DGKB: variants seen among roughly 807,000 people sequenced by gnomAD.
The protein encoded by DGKB is diacylglycerol kinase beta.
A neutral mutation model predicts 114.3 loss-of-function variants in DGKB; 67 were observed. That is an observed-to-expected ratio of 0.59 (90% CI 0.48 to 0.72). The LOEUF (loss-of-function observed/expected upper bound fraction) is 0.72, where lower values mean the gene tolerates loss of function less well. DGKB is among the 30% of genes least tolerant of loss of function. DGKB has a pLI of 0.00. For synonymous variants in DGKB, 398 were observed against 323.1 expected (o/e 1.23, Z -2.49); for missense variants, 907 against 975.2 (o/e 0.93, Z 0.93).
At chr7:14,216,704 T>G (rs1317308334) in intron 23 of DGKB, among the ~76,000 whole-genome samples, 1 of 119,494 alleles carries the variant, frequency 8.4e-6, no homozygotes, top group Non-Finnish European at 1.6e-5. Context: ...CCAACCTGGG[T>G]GACAGAGCAA....
At chr7:14,734,195 C>T (rs113917701) in intron 5 of DGKB, among the ~76,000 whole-genome samples, 8,407 of 92,430 alleles carry the variant, frequency 0.091, 334 homozygotes, top group Admixed American at 0.17. Flanking sequence ...CCACCATGCC[C>T]GGCTAATTTT....
intron 21 of DGKB, among the ~76,000 whole-genome samples, chr7:14,446,290 G>C (rs2128824841): frequency 6.6e-6 from 1 of 152,212 alleles, no homozygotes; most frequent in East Asian, 1.9e-4. Context: ...TCTTTTCTTG[G>C]ATAGTTATGT....
At chr7:14,207,789 A>T (rs1368931714) in intron 23 of DGKB, among the ~76,000 whole-genome samples, 1 of 152,038 alleles carries the variant, frequency 6.6e-6, no homozygotes, top group Admixed American at 6.6e-5. Flanking sequence ...AGGGCACACA[A>T]ACCATGAGGA....
chr7:14,431,758 C>T (rs115105991), intron 21 of DGKB, among the ~76,000 whole-genome samples: 1 of 151,952 alleles, frequency 6.6e-6, no homozygotes. Context: ...TATTATAGAA[C>T]TGATACATTC....
chr7:14,216,086 A>G (rs563898313), intron 23 of DGKB, among the ~76,000 whole-genome samples: 4 of 152,320 alleles, frequency 2.6e-5, no homozygotes, highest in Middle Eastern at 3.4e-3. Flanking sequence ...CCTAATGAGT[A>G]TAACAAATTT....
chr7:14,921,575 T>C (rs1784510167), intron 1 of DGKB, among the ~76,000 whole-genome samples: 1 of 152,188 alleles, frequency 6.6e-6, no homozygotes, highest in Admixed American at 6.5e-5. Context: ...TTTTTGATTG[T>C]TATGACTAGG....
At chr7:14,602,262 A>G (rs547656289) in intron 17 of DGKB, among the ~76,000 whole-genome samples, 1 of 152,174 alleles carries the variant, frequency 6.6e-6, no homozygotes, top group Non-Finnish European at 1.5e-5. Flanking sequence ...TCTGATTTAG[A>G]AGATATTTAG....
intron 2 of DGKB, among the ~76,000 whole-genome samples, chr7:14,799,026 C>T (rs1841790952): frequency 1.3e-5 from 2 of 152,172 alleles, no homozygotes; most frequent in Non-Finnish European, 2.9e-5. Flanking sequence ...CCCACCATAT[C>T]CTCATTCAAT....
intron 2 of DGKB, among the ~76,000 whole-genome samples, chr7:14,781,771 T>A (rs1349864385): frequency 6.6e-6 from 1 of 152,208 alleles, no homozygotes; most frequent in Non-Finnish European, 1.5e-5. Flanking sequence ...TCTGGGCTTA[T>A]CCTCATTACT....
At chr7:14,903,400 G>A (rs1195290127), upstream of DGKB, 1 of 152,404 alleles carries the variant, frequency 6.6e-6, no homozygotes, top group East Asian at 1.9e-4. Context: ...TTTAACTGCT[G>A]GTCCAGTTAT....
At chr7:14,480,027 A>C (rs1584270831) in intron 20 of DGKB, among the ~76,000 whole-genome samples, 1 of 152,128 alleles carries the variant, frequency 6.6e-6, no homozygotes, top group Middle Eastern at 3.4e-3. Flanking sequence ...GACTTTTAAA[A>C]ATAGATTGTG....
At chr7:14,830,537 C>A (rs1215268934) in intron 2 of DGKB, among the ~76,000 whole-genome samples, 1 of 152,046 alleles carries the variant, frequency 6.6e-6, no homozygotes. Context: ...GATATCCTAC[C>A]CCAAAGCTTT....
At chr7:14,659,492 C>G (rs1816585109) in intron 13 of DGKB, among the ~76,000 whole-genome samples, 1 of 149,836 alleles carries the variant, frequency 6.7e-6, no homozygotes, top group Non-Finnish European at 1.5e-5. Flanking sequence ...CTCCTTGAAG[C>G]AGTTGTGAAT....
intron 1 of DGKB, among the ~76,000 whole-genome samples, chr7:14,962,034 T>A (rs1008181432): frequency 3.3e-5 from 5 of 152,166 alleles, no homozygotes; most frequent in African/African-American, 1.2e-4. Flanking sequence ...TTACGAATTC[T>A]TTAAAATTAC....
At chr7:14,629,919 A>G (rs1809376750) in intron 14 of DGKB, among the ~76,000 whole-genome samples, 2 of 152,194 alleles carry the variant, frequency 1.3e-5, no homozygotes, top group South Asian at 2.1e-4. Context: ...TAACGTGAAA[A>G]AATGGGAGTG....
At chr7:14,509,292 A>C (rs957781978) in intron 20 of DGKB, among the ~76,000 whole-genome samples, 5 of 152,074 alleles carry the variant, frequency 3.3e-5, no homozygotes, top group African/African-American at 1.2e-4. Context: ...CCCCTGTGTG[A>C]GACACCCATG....
At chr7:14,608,272 G>C (rs977075525) in intron 16 of DGKB, among the ~76,000 whole-genome samples, 1 of 151,904 alleles carries the variant, frequency 6.6e-6, no homozygotes, top group African/African-American at 2.4e-5. Flanking sequence ...GGGATAAAAA[G>C]TTGGTTCAAC....
chr7:14,859,606 A>G (rs1742283584), intron 1 of DGKB, among the ~76,000 whole-genome samples: 1 of 152,146 alleles, frequency 6.6e-6, no homozygotes, highest in Non-Finnish European at 1.5e-5. Context: ...ACACATTTTC[A>G]GGGTTTTCGT....
intron 21 of DGKB, among the ~76,000 whole-genome samples, chr7:14,421,664 T>C (rs986719848): frequency 2.6e-5 from 4 of 152,114 alleles, no homozygotes; most frequent in African/African-American, 9.7e-5. Flanking sequence ...AAATGCAATT[T>C]CCACAGATAT....
Sources: allele counts gnomAD v4.1 joint callset (sites outside exome capture counted in the v4.1 genomes callset), GRCh38; gene constraint gnomAD v4.1.1; transcripts MANE v1.5; gene names NCBI Gene and HGNC (gene_info 2026-07-23, HGNC 2026-07-21).